The following IKBIP variants were observed in gnomAD, a reference collection of about 807,000 sequenced individuals.
The protein encoded by IKBIP is inhibitor of nuclear factor kappa-B kinase-interacting protein.
Under a neutral mutation model 31.0 loss-of-function variants are expected in IKBIP, and 28 were observed. The observed-to-expected ratio is 0.90, with a 90% CI of 0.67 to 1.24. The LOEUF (loss-of-function observed/expected upper bound fraction) is 1.24, where lower values mean the gene tolerates loss of function less well. IKBIP is among the 50% of genes most tolerant of loss of function. The pLI is 0.00. For missense variants in IKBIP, 453 were observed against 441.9 expected (o/e 1.03, Z -0.23); for synonymous variants, 164 against 160.3 (o/e 1.02, Z -0.17).
At chr12:98,639,935 G>A (rs899587450) in intron 1 of IKBIP, among the ~76,000 whole-genome samples, 1 of 152,040 alleles carries the variant, frequency 6.6e-6, no homozygotes, top group African/African-American at 2.4e-5. Flanking sequence ...TAAGAAGCAG[G>A]ACATTTAAAT....
downstream of IKBIP, among the ~76,000 whole-genome samples, chr12:98,622,647 G>A (rs1488648313): frequency 6.7e-6 from 1 of 150,350 alleles, no homozygotes; most frequent in African/African-American, 2.4e-5. Flanking sequence ...TATTGAGTTT[G>A]GTAAATTTTC....
intron 2 of IKBIP, among the ~76,000 whole-genome samples, chr12:98,633,495 CTTTTT>C (rs67721403): frequency 1.1e-5 from 1 of 94,142 alleles, no homozygotes; most frequent in South Asian, 4.1e-4. Context: ...GCTAGCCGTT[CTTTTT>C]TTTTTAATTC....
At chr12:98,630,984 G>GT (rs2097619613) in intron 2 of IKBIP, among the ~76,000 whole-genome samples, 1 of 151,466 alleles carries the variant, frequency 6.6e-6, no homozygotes, top group Non-Finnish European at 1.5e-5. Context: ...CCAGGCTGGA[G>GT]TGCAATGGCA....
chr12:98,638,728 GTACATTACCACCACTGGC>G (rs941226314), intron 1 of IKBIP, among the ~76,000 whole-genome samples: 2 of 152,028 alleles, frequency 1.3e-5, no homozygotes, highest in Admixed American at 6.6e-5. Flanking sequence ...AGGACCACAG[GTACATTACCACCACTGGC>G]TAATTAAAAA....
chr12:98,615,089 ATATT>A (rs900407069), intron 2 of IKBIP, among the ~76,000 whole-genome samples: 2 of 152,210 alleles, frequency 1.3e-5, no homozygotes, highest in African/African-American at 2.4e-5. Context: ...AAAATTGTAT[ATATT>A]TATTGTGTAC....
intron 2 of IKBIP, among the ~76,000 whole-genome samples, chr12:98,631,910 C>A (rs2097620472): frequency 6.6e-6 from 1 of 151,408 alleles, no homozygotes; most frequent in African/African-American, 2.4e-5. Context: ...GGCTGGAGCA[C>A]AATGGCGTGA....
At position 98,625,186 on chromosome 12, in the gene IKBIP, G is replaced by C; in HGVS notation, c.*744C>G. 1.0e-6 allele frequency: 1 copy of C among 982,632 alleles called. No homozygotes were observed. Among genetic ancestry groups the C allele is most frequent in the South Asian group, 4.7e-5 (1 of 21,214 alleles). 60.9% of individuals were successfully genotyped at this position (982,632 alleles called of 1,614,324 possible). ...GGAACCTAAAACTCAGGTATATAAA[G>C]ATATTTCAAAGATTTATATACACAT... On this transcript the variant is annotated 3_prime_UTR_variant, in exon 3 of 3. Coordinates refer to ENST00000299157, the MANE Select transcript of IKBIP (RefSeq NM_153687.4).
chr12:98,639,358 T>C (rs1453052072), intron 1 of IKBIP, among the ~76,000 whole-genome samples: 1 of 152,234 alleles, frequency 6.6e-6, no homozygotes, highest in Non-Finnish European at 1.5e-5. Flanking sequence ...GGGTTGTGTT[T>C]ATGGCAAATG....
chr12:98,644,690 C>T lies in IKBIP; in HGVS notation c.12G>A (p.Val4=), dbSNP rs1395793384. Residue 4 remains valine, a synonymous_variant, in exon 1 of 3, where the codon GTG becomes GTA. Coordinates refer to ENST00000299157, the MANE Select transcript of IKBIP (RefSeq NM_153687.4). MSE[V]KSRKKSGPKG... ...TGGGCCCCGACTTCTTCCGGCTCTT[C>T]ACCTCAGACATGTCTGGAGACCCTA... 1.2e-6 allele frequency: 2 copies of T among 1,609,932 alleles called. No homozygotes were observed. Among genetic ancestry groups the T allele is most frequent in the Non-Finnish European group, 1.7e-6 (2 of 1,178,922 alleles).
At chr12:98,614,310 A>G (rs1477334568) in exon 3 of IKBIP, 3 of 1,589,602 alleles carry the variant, frequency 1.9e-6, no homozygotes, top group South Asian at 1.1e-5. Flanking sequence ...AAAGACTTCA[A>G]TTGTTCCATG....
intron 2 of IKBIP, among the ~76,000 whole-genome samples, chr12:98,615,638 C>G (rs1016183186): frequency 6.6e-6 from 1 of 152,134 alleles, no homozygotes; most frequent in Non-Finnish European, 1.5e-5. Context: ...ATTCTTTAAT[C>G]AACATCTCTC....
chr12:98,622,255 G>A (rs2097610730), downstream of IKBIP, among the ~76,000 whole-genome samples: 1 of 152,072 alleles, frequency 6.6e-6, no homozygotes, highest in African/African-American at 2.4e-5. Context: ...GCTGGGTATG[G>A]TGGCTTACAC....
chr12:98,614,571 C>T (rs1437231264), intron 2 of IKBIP, among the ~76,000 whole-genome samples: 2 of 151,646 alleles, frequency 1.3e-5, no homozygotes, highest in Non-Finnish European at 2.9e-5. Flanking sequence ...ATTACAGGCA[C>T]CCGCCCCCAC....
At chr12:98,631,697 C>T (rs184611711) in intron 2 of IKBIP, among the ~76,000 whole-genome samples, 2,340 of 144,772 alleles carry the variant, frequency 0.016, 36 homozygotes, top group African/African-American at 0.044. Flanking sequence ...CACTTGAACC[C>T]GGGAGGCGGA....
At chr12:98,615,391 C>T (rs1300577482) in intron 2 of IKBIP, among the ~76,000 whole-genome samples, 2 of 152,204 alleles carry the variant, frequency 1.3e-5, no homozygotes, top group East Asian at 1.9e-4. Context: ...TGCCACCACG[C>T]CTGGCTGATT....
At chr12:98,623,705 T>C (rs1466044722), downstream of IKBIP, among the ~76,000 whole-genome samples, 2 of 150,576 alleles carry the variant, frequency 1.3e-5, no homozygotes, top group African/African-American at 2.5e-5. Context: ...CTGGCCACTT[T>C]ATAAGAAATT....
At chr12:98,613,837 T>G in exon 3 of IKBIP, 2 of 1,611,614 alleles carry the variant, frequency 1.2e-6, no homozygotes, top group Non-Finnish European at 1.7e-6. Flanking sequence ...GAACTTTGGC[T>G]CTGTCACCTT....
downstream of IKBIP, among the ~76,000 whole-genome samples, chr12:98,620,349 G>C (rs2097609157): frequency 6.6e-6 from 1 of 151,622 alleles, no homozygotes; most frequent in Admixed American, 6.6e-5. Flanking sequence ...GGTCCAATCT[G>C]CTTTCTAAAA....
chr12:98,634,282 C>T lies in IKBIP; in HGVS notation c.297+14G>A. 1 of 1,239,010 alleles carries T rather than the reference C, an allele frequency of 8.1e-7. No individual in the cohort carries two copies. The highest frequency in any genetic ancestry group is 2.3e-5 in the East Asian group (1 of 42,998). 76.8% of individuals were successfully genotyped at this position (1,239,010 alleles called of 1,614,324 possible). The stretch of plus-strand genomic sequence containing the variant: ...AATGGGAAAACCGTCCCAGATAAGC[C>T]AATTAATGATTACCTTTTCTGAAAT... On this transcript the variant is annotated intron_variant, in intron 2 of 2. Transcript: ENST00000299157.
Sources: gnomAD v4.1 joint callset for allele counts (sites outside exome capture counted in the v4.1 genomes callset) on GRCh38, gnomAD v4.1.1 for gene constraint, MANE v1.5 for transcripts, NCBI Gene and HGNC (gene_info 2026-07-23, HGNC 2026-07-21) for gene names.